Variants in ZNF385C observed in about 807,000 individuals in gnomAD.
The protein encoded by ZNF385C is zinc finger protein 385C.
Under a neutral mutation model 35.4 loss-of-function variants are expected in ZNF385C, and 28 were observed. That is an observed-to-expected ratio of 0.79 (90% CI 0.59 to 1.08). ZNF385C has a LOEUF of 1.08. ZNF385C is among the 50% of genes least tolerant of loss of function. ZNF385C has a pLI of 0.00. For synonymous variants in ZNF385C, 248 were observed against 248.2 expected, an observed-to-expected ratio of 1.00 and a Z score of 0.01; for missense variants, 605 against 595.6, an observed-to-expected ratio of 1.02 and a Z score of -0.16.
chr17:42,068,039 T>C (rs1262318504), intron 1 of ZNF385C, among the ~76,000 whole-genome samples: 2 of 152,166 alleles, frequency 1.3e-5, no homozygotes, highest in East Asian at 1.9e-4. Flanking sequence ...GCTAATTGTG[T>C]TCCCCCCAGC....
rs575615780 is a variant in ZNF385C at position 42,040,236 on chromosome 17, C to A, written c.251-2351G>T. 19 of 1,231,608 alleles carry A rather than the reference C, an allele frequency of 1.5e-5. No homozygotes were observed. The South Asian group carries it at 6.2e-4, about 40-fold the overall frequency. 76.3% of individuals were successfully genotyped at this position (1,231,608 alleles called of 1,614,324 possible). A position where few individuals can be genotyped will look rare whatever the true frequency, so the allele number is the denominator to read the frequency against. On this transcript the variant is annotated intron_variant, in intron 2 of 8. Coordinates refer to ENST00000692273, the MANE Select transcript of ZNF385C (RefSeq NM_001392013.1). ...CGGGGTAGGAGTCCTGTAGGCCCTT[C>A]CGCATGGAGTCCAGGAAGGATCCCC... is the stretch of plus-strand genomic sequence containing the variant.
At chr17:42,077,471 G>A (rs1444058832) in intron 1 of ZNF385C, among the ~76,000 whole-genome samples, 1 of 152,152 alleles carries the variant, frequency 6.6e-6, no homozygotes, top group Non-Finnish European at 1.5e-5. Flanking sequence ...GGCCCATACC[G>A]AACAGCAGCT....
intron 1 of ZNF385C, among the ~76,000 whole-genome samples, chr17:42,083,854 G>A (rs1269551548): frequency 6.6e-6 from 1 of 151,362 alleles, no homozygotes; most frequent in Non-Finnish European, 1.5e-5. Flanking sequence ...AAGTAGCTGG[G>A]ATTACAGGCG....
chr17:42,043,277 G>C (rs782108500), intron 2 of ZNF385C: 1 of 1,232,292 alleles, frequency 8.1e-7, no homozygotes, highest in Non-Finnish European at 1.0e-6. Context: ...TCAAAGTCCA[G>C]CCAGGTAAAC....
intron 2 of ZNF385C, among the ~76,000 whole-genome samples, chr17:42,047,723 G>A (rs2053196576): frequency 1.3e-5 from 2 of 150,286 alleles, no homozygotes; most frequent in South Asian, 2.1e-4. Context: ...GTGTGATCTC[G>A]GCTCACTGCA....
intron 2 of ZNF385C, chr17:42,040,271 C>T (rs1598184553): frequency 4.1e-6 from 5 of 1,231,644 alleles, no homozygotes; most frequent in Non-Finnish European, 5.1e-6. Flanking sequence ...CGGAGCCACT[C>T]CAAGCCCCGG....
chr17:42,037,711 C>T, intron 3 of ZNF385C, 26 bp downstream of exon 3: 1 of 1,491,628 alleles, frequency 6.7e-7, no homozygotes, highest in Non-Finnish European at 8.9e-7. Flanking sequence ...TGTGTGCATG[C>T]CCCCACCCGC....
Position 42,095,420 on chromosome 17 carries a change from C to A in ZNF385C, c.-3+2990G>T, listed in dbSNP as rs1290673076. Among the ~76,000 whole-genome samples the A allele has an allele frequency of 4.6e-5, 7 of 152,238 alleles. No homozygotes were observed. Among genetic ancestry groups the A allele is most frequent in the Admixed American group, 4.6e-4 (7 of 15,288 alleles). On this transcript the variant is annotated intron_variant, in intron 1 of 8. Coordinates refer to ENST00000692273, the MANE Select transcript of ZNF385C (RefSeq NM_001392013.1). The surrounding 1 kb of genome is among the most constrained non-coding windows in gnomAD (Gnocchi z 4.4). ...GGGCCCTCCCGGGTGGCAGGCGCAG[C>A]TCCCTCTGAGAAGGGCAGCCAGAGG...
chr17:42,075,511 TTCTGATGGAG>T, intron 1 of ZNF385C, among the ~76,000 whole-genome samples: 1 of 150,568 alleles, frequency 6.6e-6, no homozygotes, highest in African/African-American at 2.4e-5. Flanking sequence ...TTTTTTTTTT[TTCTGATGGAG>T]TCTTGCTCTG....
At chr17:42,027,847 G>A in intron 7 of ZNF385C, 119 bp from the exon 8 acceptor site, 2 of 1,263,248 alleles carry the variant, frequency 1.6e-6, no homozygotes, top group Non-Finnish European at 2.3e-6. Flanking sequence ...CACACAGACT[G>A]GGTCCTCACC....
intron 2 of ZNF385C, 154 bp downstream of exon 2, chr17:42,062,653 C>CG (rs1249954867): frequency 2.5e-5 from 10 of 404,032 alleles, no homozygotes; most frequent in Non-Finnish European, 3.0e-5. Context: ...TTGCTGGCAT[C>CG]GGGGAGGCTT....
chr17:42,093,149 G>A (rs934234359), intron 1 of ZNF385C, among the ~76,000 whole-genome samples: 11 of 152,244 alleles, frequency 7.2e-5, no homozygotes, highest in African/African-American at 2.4e-4. Flanking sequence ...GGGCAGGGAG[G>A]CTGTTTAAAC....
intron 2 of ZNF385C, among the ~76,000 whole-genome samples, chr17:42,048,006 C>T (rs1459391632): frequency 2.6e-5 from 4 of 152,084 alleles, no homozygotes; most frequent in Non-Finnish European, 5.9e-5. Flanking sequence ...CCTTGGAATC[C>T]TCTTTTCTCT....
At chr17:42,056,340 ATC>A (rs2053375485) in intron 2 of ZNF385C, among the ~76,000 whole-genome samples, 1 of 152,204 alleles carries the variant, frequency 6.6e-6, no homozygotes, top group Admixed American at 6.5e-5. Context: ...TTGTGGAATC[ATC>A]TGTTGGGACA....
intron 5 of ZNF385C, 64 bp downstream of exon 5, chr17:42,031,555 C>G: frequency 1.3e-6 from 2 of 1,506,192 alleles, no homozygotes; most frequent in Admixed American, 2.2e-5. Flanking sequence ...AGAAATCTCT[C>G]AACCCCTTGT....
chr17:42,031,714 C>T lies in ZNF385C; in HGVS notation c.581G>A (p.Ser194Asn). ...RKLKAVEAAK[S>N]KQRPHTQAQD... is the part of the protein sequence containing the mutation. ...GGCCTGGGTGTGTGGCCTCTGCTTGCTCTTGGCAGCCTCGACAGCCTTGAG... is the reference window on the plus strand; with the variant it reads ...GGCCTGGGTGTGTGGCCTCTGCTTGTTCTTGGCAGCCTCGACAGCCTTGAG... Residue 194 changes from serine to asparagine, a missense_variant, in exon 5 of 9, where the codon AGC (serine) becomes AAC (asparagine). Transcript: ENST00000692273. 6.4e-7 allele frequency: 1 copy of T among 1,550,770 alleles called. No individual in the cohort carries two copies.
chr17:42,063,640 G>C (rs893046889), intron 1 of ZNF385C, among the ~76,000 whole-genome samples: 1 of 152,196 alleles, frequency 6.6e-6, no homozygotes, highest in Non-Finnish European at 1.5e-5. Context: ...CTGGGGACTC[G>C]GAGGGCCGCA....
intron 5 of ZNF385C, 124 bp downstream of exon 5, chr17:42,031,495 G>T: frequency 2.4e-6 from 3 of 1,240,772 alleles, no homozygotes; most frequent in Non-Finnish European, 3.3e-6. Flanking sequence ...ACACTTGTGT[G>T]CCTTTGCCTG....
chr17:42,042,788 T>C lies in ZNF385C; in HGVS notation c.251-4903A>G, dbSNP rs1401123543. Reference sequence around the variant, plus strand: ...GGGGCTGTTCCCAGGTGGCTCAGTGTCCTCCCTTCCCAAGCCCTTCCCCCA... The same window carrying C: ...GGGGCTGTTCCCAGGTGGCTCAGTGCCCTCCCTTCCCAAGCCCTTCCCCCA... On this transcript the variant is annotated intron_variant, in intron 2 of 8. Coordinates refer to ENST00000692273, the MANE Select transcript of ZNF385C (RefSeq NM_001392013.1). 4.9e-6 allele frequency: 6 copies of C among 1,225,720 alleles called. No homozygotes were observed. The Admixed American group carries it at 1.3e-4, about 26-fold the overall frequency. 75.9% of individuals were successfully genotyped at this position (1,225,720 alleles called of 1,614,324 possible).
Sources: allele counts gnomAD v4.1 joint callset (sites outside exome capture counted in the v4.1 genomes callset), GRCh38; gene constraint gnomAD v4.1.1; non-coding constraint Gnocchi (gnomAD v3.1); transcripts MANE v1.5; gene names NCBI Gene and HGNC (gene_info 2026-07-23, HGNC 2026-07-21).